The following ACOXL variants were observed in gnomAD, a reference collection of about 807,000 sequenced individuals.
ACOXL encodes acyl-CoA oxidase like.
Under a neutral mutation model 71.9 loss-of-function variants are expected in ACOXL, and 70 were observed. The observed-to-expected ratio is 0.97, with a 90% CI of 0.80 to 1.19. ACOXL has a LOEUF of 1.19. Among genes scored for constraint, ACOXL ranks in the 50% most tolerant of loss-of-function variants. The pLI, the probability that ACOXL is intolerant of heterozygous loss-of-function variation, is 0.00. For synonymous variants in ACOXL, 253 were observed against 281.6 expected (o/e 0.90, Z 1.02); for missense variants, 703 against 736.3 (o/e 0.95, Z 0.52).
chr2:111,091,157 G>T (rs2068502334), intron 16 of ACOXL, among the ~76,000 whole-genome samples: 3 of 152,188 alleles, frequency 2.0e-5, no homozygotes, highest in Admixed American at 2.0e-4. Context: ...TTTTCTTCCA[G>T]GATCCAGCAG....
chr2:110,972,025 T>C (rs1266313906), intron 12 of ACOXL, among the ~76,000 whole-genome samples: 1 of 152,212 alleles, frequency 6.6e-6, no homozygotes, highest in African/African-American at 2.4e-5. Flanking sequence ...GGCTGTTTAG[T>C]GTGTTATGGG....
intron 1 of ACOXL, among the ~76,000 whole-genome samples, chr2:110,756,317 C>T (rs142295420): frequency 8.7e-4 from 132 of 152,170 alleles, no homozygotes; most frequent in African/African-American, 3.1e-3. Context: ...TTAGTAGAGA[C>T]GGGGTTTCGT....
At chr2:111,026,386 A>G (rs947888487) in intron 14 of ACOXL, among the ~76,000 whole-genome samples, 28 of 152,082 alleles carry the variant, frequency 1.8e-4, no homozygotes, top group African/African-American at 6.5e-4. Context: ...TCTTAGCAAT[A>G]TCGAGTTCTC....
chr2:111,009,854 A>G (rs151097105), intron 14 of ACOXL, among the ~76,000 whole-genome samples: 52 of 152,326 alleles, frequency 3.4e-4, no homozygotes, highest in African/African-American at 1.2e-3. Context: ...TCTCAGGAAA[A>G]GGGATTGCCT....
In ACOXL at chr2:111,052,929, C is replaced by T. The variant is rs114342424; in HGVS notation, c.1440+3641C>T. On this transcript the variant is annotated intron_variant, in intron 16 of 17. Transcript: ENST00000439055. ...AGCTGCCATGGAAGTTTCCATGTGT[C>T]TGTTCATCCTCTGCAGCCTCTTTCA... is the stretch of plus-strand genomic sequence containing the variant. Among the ~76,000 whole-genome samples the T allele has an allele frequency of 6.4e-3, 979 of 152,272 alleles. 5 individuals are homozygous for T. The highest frequency in any genetic ancestry group is 0.011 in the Non-Finnish European group (726 of 68,020).
At chr2:110,951,143 A>G (rs556621462) in intron 12 of ACOXL, among the ~76,000 whole-genome samples, 6 of 152,340 alleles carry the variant, frequency 3.9e-5, no homozygotes, top group African/African-American at 1.4e-4. Context: ...TGAACGTGCC[A>G]GCGGACGTCC....
chr2:110,799,607 G>A (rs1422370358), intron 7 of ACOXL, among the ~76,000 whole-genome samples: 1 of 152,214 alleles, frequency 6.6e-6, no homozygotes, highest in East Asian at 1.9e-4. Flanking sequence ...GACGGTATCA[G>A]CAGTGTTGGC....
At chr2:110,811,066 A>G (rs1406342108) in intron 9 of ACOXL, among the ~76,000 whole-genome samples, 1 of 152,242 alleles carries the variant, frequency 6.6e-6, no homozygotes, top group African/African-American at 2.4e-5. Context: ...GGTCCCTTCC[A>G]TGACATGTGG....
At chr2:111,040,085 T>C (rs1343668105) in intron 15 of ACOXL, among the ~76,000 whole-genome samples, 2 of 152,228 alleles carry the variant, frequency 1.3e-5, no homozygotes, top group Non-Finnish European at 2.9e-5. Context: ...TGAGTTTTTC[T>C]AGCAATTGTG....
chr2:110,883,224 C>G lies in ACOXL; in HGVS notation c.789-25565C>G, dbSNP rs1482347485. 2.0e-5 allele frequency among the ~76,000 whole-genome samples: 3 copies of G among 148,954 alleles called. No homozygotes were observed. In the Admixed American group the frequency reaches 2.1e-4, roughly 10 times the overall value. ...TCCTGGGTTCAAGCAATTCTTGTGC[C>G]TTAGCCTCCCAAGAAACTGGGATTA... On this transcript the variant is annotated intron_variant, in intron 10 of 17. Coordinates refer to ENST00000439055, the MANE Select transcript of ACOXL (RefSeq NM_001142807.4).
intron 10 of ACOXL, among the ~76,000 whole-genome samples, chr2:110,899,217 C>G (rs1022764371): frequency 6.6e-6 from 1 of 152,130 alleles, no homozygotes; most frequent in Non-Finnish European, 1.5e-5. Flanking sequence ...TTAAGCTGCT[C>G]GGGCAATTTC....
chr2:110,737,233 C>T (rs1159307993), intron 1 of ACOXL, among the ~76,000 whole-genome samples: 2 of 152,180 alleles, frequency 1.3e-5, no homozygotes, highest in African/African-American at 4.8e-5. Context: ...CTTCATCCCT[C>T]ATTTCTTTTC....
At chr2:110,980,608 GGT>G (rs1327373023) in intron 12 of ACOXL, among the ~76,000 whole-genome samples, 1 of 152,220 alleles carries the variant, frequency 6.6e-6, no homozygotes, top group African/African-American at 2.4e-5. Flanking sequence ...AAATCGCAGA[GGT>G]GGCTCATCTG....
chr2:110,840,499 G>A (rs1691028162), intron 9 of ACOXL, among the ~76,000 whole-genome samples: 1 of 152,170 alleles, frequency 6.6e-6, no homozygotes, highest in African/African-American at 2.4e-5. Context: ...TTAATTCTGT[G>A]AGAAAGTAAT....
At chr2:110,930,271 G>T (rs1574165368) in intron 11 of ACOXL, among the ~76,000 whole-genome samples, 1 of 152,236 alleles carries the variant, frequency 6.6e-6, no homozygotes, top group East Asian at 1.9e-4. Flanking sequence ...TCATTTTGGA[G>T]CTTTCAGATT....
intron 11 of ACOXL, among the ~76,000 whole-genome samples, chr2:110,931,293 TTTTC>T: frequency 6.6e-6 from 1 of 151,720 alleles, no homozygotes; most frequent in South Asian, 2.1e-4. Context: ...CTCACAGTTC[TTTTC>T]TTAAAGACTA....
intron 10 of ACOXL, among the ~76,000 whole-genome samples, chr2:110,890,993 A>C (rs957192511): frequency 4.6e-5 from 7 of 151,980 alleles, no homozygotes; most frequent in Admixed American, 1.3e-4. Flanking sequence ...CACAAGTGTT[A>C]TATTTCTTTT....
chr2:111,050,367 G>A (rs748709639), intron 16 of ACOXL, among the ~76,000 whole-genome samples: 4 of 152,148 alleles, frequency 2.6e-5, no homozygotes, highest in South Asian at 2.1e-4. Context: ...AGTCCTGGGC[G>A]TCTGATACAC....
intron 10 of ACOXL, among the ~76,000 whole-genome samples, chr2:110,902,171 T>TA (rs1384607235): frequency 1.3e-5 from 2 of 151,982 alleles, no homozygotes; most frequent in East Asian, 1.9e-4. Context: ...ATGTTCAACT[T>TA]AAAAAAACAA....
Sources: allele counts gnomAD v4.1 joint callset (sites outside exome capture counted in the v4.1 genomes callset), GRCh38; gene constraint gnomAD v4.1.1; transcripts MANE v1.5; gene names NCBI Gene and HGNC (gene_info 2026-07-23, HGNC 2026-07-21).